DGKB: variants seen among roughly 807,000 people sequenced by gnomAD.
DGKB encodes the protein 90 kDa diacylglycerol kinase.
Under a neutral mutation model 114.3 loss-of-function variants are expected in DGKB, and 67 were observed. The ratio of observed to expected loss-of-function variants is 0.59; its 90% CI spans 0.48 to 0.72. The LOEUF (loss-of-function observed/expected upper bound fraction) is 0.72, where lower values mean the gene tolerates loss of function less well. DGKB is among the 30% of genes least tolerant of loss of function. The pLI is 0.00. For synonymous variants in DGKB, 398 were observed against 323.1 expected (o/e 1.23, Z -2.49); for missense variants, 907 against 975.2 (o/e 0.93, Z 0.93).
rs534277413 is a variant in DGKB, at chr7:14,353,546, C to T, written c.1836-8155G>A. On this transcript the variant is annotated intron_variant, in intron 21 of 25. Coordinates refer to ENST00000402815, the MANE Select transcript of DGKB (RefSeq NM_001350709.2). ...GACCCAGATTCTGGACAGAGCTGAA[C>T]TGGCTCATCAGCAACCTTGAAATAG... Among the ~76,000 whole-genome samples the T allele has an allele frequency of 3.9e-5, 6 of 152,294 alleles. No individual in the cohort carries two copies. In the South Asian group the frequency reaches 1.2e-3, roughly 32 times the overall value.
intron 1 of DGKB, among the ~76,000 whole-genome samples, chr7:14,936,885 G>A (rs932133298): frequency 1.3e-5 from 2 of 151,982 alleles, no homozygotes; most frequent in Admixed American, 1.3e-4. Context: ...ACTTGGAGGG[G>A]ACTAGGCTTT....
Position 14,383,146 on chromosome 7 carries a change from G to A in DGKB, c.1836-37755C>T, listed in dbSNP as rs144620417. Among the ~76,000 whole-genome samples, 11 of 152,158 alleles carry A rather than the reference G, an allele frequency of 7.2e-5. 1 individual carries two copies. In the East Asian group the frequency reaches 2.1e-3, roughly 29 times the overall value. On this transcript the variant is annotated intron_variant, in intron 21 of 25. Transcript: ENST00000402815. ...GCTTTTTGTTTTTCTATTTTCAATAGTATCTCCTGTTTATAATGGATTGTT... is the reference window on the plus strand; with the variant it reads ...GCTTTTTGTTTTTCTATTTTCAATAATATCTCCTGTTTATAATGGATTGTT...
At chr7:14,262,673 C>G (rs562596318) in intron 23 of DGKB, among the ~76,000 whole-genome samples, 11 of 152,120 alleles carry the variant, frequency 7.2e-5, no homozygotes, top group African/African-American at 2.7e-4. Flanking sequence ...CAGAGCCAGG[C>G]ATCTTTCTCA....
At chr7:14,205,240 C>T (rs926539159) in intron 23 of DGKB, among the ~76,000 whole-genome samples, 18 of 152,038 alleles carry the variant, frequency 1.2e-4, no homozygotes, top group African/African-American at 4.1e-4. Context: ...TCTGCCTCCC[C>T]GGATGCATTC....
chr7:14,551,325 G>A lies in DGKB; in HGVS notation c.1770+22887C>T, dbSNP rs532320985. On this transcript the variant is annotated intron_variant, in intron 20 of 25. Coordinates refer to ENST00000402815, the MANE Select transcript of DGKB (RefSeq NM_001350709.2). ...CAATTCTGATTTCAGAAGAACTAATGTGGATAAGGTTTTCATTTTCATGTT... is the reference window on the plus strand; with the variant it reads ...CAATTCTGATTTCAGAAGAACTAATATGGATAAGGTTTTCATTTTCATGTT... 2.8e-3 allele frequency among the ~76,000 whole-genome samples: 427 copies of A among 152,312 alleles called. 4 individuals are homozygous for A. The highest frequency in any genetic ancestry group is 6.6e-3 in the South Asian group (32 of 4,830).
intron 20 of DGKB, among the ~76,000 whole-genome samples, chr7:14,496,927 T>C (rs1263087846): frequency 6.6e-6 from 1 of 151,772 alleles, no homozygotes; most frequent in Non-Finnish European, 1.5e-5. Context: ...AAGGTCTATA[T>C]TGAAGGAGGT....
intron 21 of DGKB, among the ~76,000 whole-genome samples, chr7:14,471,810 T>A (rs1781455161): frequency 6.6e-6 from 1 of 152,016 alleles, no homozygotes; most frequent in Non-Finnish European, 1.5e-5. Context: ...AAATATACCA[T>A]GAAATAGTAA....
chr7:14,856,021 A>ACAC (rs1850104006), intron 1 of DGKB, among the ~76,000 whole-genome samples: 1 of 2,230 alleles, frequency 4.5e-4, no homozygotes, highest in Non-Finnish European at 5.7e-4. Flanking sequence ...ACACACACAC[A>ACAC]TAATTAACAT....
At chr7:14,574,135 A>G in intron 20 of DGKB, 77 bp downstream of exon 20, 1 of 1,154,018 alleles carries the variant, frequency 8.7e-7, no homozygotes, top group Non-Finnish European at 1.2e-6. Context: ...TAATCAGTAA[A>G]TTTTCATAGT....
At chr7:14,604,640 C>CT (rs1346044432) in intron 17 of DGKB, among the ~76,000 whole-genome samples, 9 of 151,936 alleles carry the variant, frequency 5.9e-5, no homozygotes, top group Admixed American at 2.0e-4. Context: ...ATAGGGAGAC[C>CT]TTATGAAACA....
At chr7:14,807,755 T>C (rs1265221087) in intron 2 of DGKB, among the ~76,000 whole-genome samples, 1 of 152,006 alleles carries the variant, frequency 6.6e-6, no homozygotes, top group Non-Finnish European at 1.5e-5. Flanking sequence ...ATTTTGAGTA[T>C]TATTGCTCTT....
At chr7:14,916,247 G>C (rs1784234565) in intron 1 of DGKB, among the ~76,000 whole-genome samples, 1 of 148,426 alleles carries the variant, frequency 6.7e-6, no homozygotes, top group African/African-American at 2.5e-5. Flanking sequence ...ATATGAAATA[G>C]TTAATTAAAA....
chr7:14,575,373 C>T (rs541580181), intron 19 of DGKB, among the ~76,000 whole-genome samples: 20 of 152,218 alleles, frequency 1.3e-4, no homozygotes, highest in East Asian at 7.7e-4. Flanking sequence ...ATATGATAGA[C>T]GGTCAACATG....
intron 2 of DGKB, among the ~76,000 whole-genome samples, chr7:14,832,092 C>T (rs1846495529): frequency 6.6e-6 from 1 of 151,956 alleles, no homozygotes; most frequent in East Asian, 1.9e-4. Flanking sequence ...CATTTCCACA[C>T]ATTATTTTAT....
At chr7:14,608,282 C>A (rs1044774769) in intron 16 of DGKB, among the ~76,000 whole-genome samples, 1 of 152,016 alleles carries the variant, frequency 6.6e-6, no homozygotes, top group Non-Finnish European at 1.5e-5. Context: ...GTTGGTTCAA[C>A]ATACACAAAT....
intron 4 of DGKB, among the ~76,000 whole-genome samples, chr7:14,745,080 C>G (rs1833079241): frequency 6.6e-6 from 1 of 152,168 alleles, no homozygotes; most frequent in Admixed American, 6.5e-5. Flanking sequence ...CCCCATGCAA[C>G]CAATCTTAGC....
intron 1 of DGKB, among the ~76,000 whole-genome samples, chr7:14,967,366 G>C (rs1054250272): frequency 6.6e-6 from 1 of 151,188 alleles, no homozygotes; most frequent in Non-Finnish European, 1.5e-5. Flanking sequence ...TGTTGCCCAG[G>C]CTGGAGCACA....
chr7:14,857,704 G>T (rs1850389790), intron 1 of DGKB, among the ~76,000 whole-genome samples: 1 of 151,516 alleles, frequency 6.6e-6, no homozygotes, highest in Admixed American at 6.6e-5. Context: ...GTTTCTATTG[G>T]GATGCTTTCC....
intron 13 of DGKB, among the ~76,000 whole-genome samples, chr7:14,652,639 A>G (rs1814810279): frequency 6.7e-6 from 1 of 149,608 alleles, no homozygotes. Context: ...CAAAAGCCAA[A>G]ATTGACAAAT....
Sources: allele counts gnomAD v4.1 joint callset (sites outside exome capture counted in the v4.1 genomes callset), GRCh38; gene constraint gnomAD v4.1.1; transcripts MANE v1.5; gene names NCBI Gene and HGNC (gene_info 2026-07-23, HGNC 2026-07-21).